Variants in FRMPD4 observed in about 807,000 individuals in gnomAD.
FRMPD4 encodes the protein FERM and PDZ domain-containing protein 4.
Under a neutral mutation model 94.1 loss-of-function variants are expected in FRMPD4, and 22 were observed. The observed-to-expected ratio is 0.23, with a 90% CI of 0.17 to 0.33. The LOEUF is 0.33. Ranked by LOEUF, FRMPD4 falls within the 10% of genes least tolerant of loss-of-function variation. The probability of loss-of-function intolerance (pLI) is 1.00; values close to 1 mark genes in which losing one functional copy is unlikely to be tolerated. For synonymous variants in FRMPD4, 631 were observed against 548.6 expected, an observed-to-expected ratio of 1.15 and a Z score of -2.10; for missense variants, 1,111 against 1,339.9, an observed-to-expected ratio of 0.83 and a Z score of 2.67.
intron 2 of FRMPD4, among the ~76,000 whole-genome samples, chrX:12,526,750 G>T (rs2058228097): frequency 8.9e-6 from 1 of 112,088 alleles, no homozygotes; most frequent in Non-Finnish European, 1.9e-5. Context: ...TGACAACAAA[G>T]GTTTTCAACT....
At chrX:12,122,315 A>C (rs1171068543) in intron 3 of FRMPD4, among the ~76,000 whole-genome samples, 5 of 112,296 alleles carry the variant, frequency 4.5e-5, no homozygotes, top group African/African-American at 1.6e-4. Flanking sequence ...TTTGTGTTCC[A>C]CTGCTAAGTG....
intron 1 of FRMPD4, among the ~76,000 whole-genome samples, chrX:12,208,609 A>G (rs754110190): frequency 8.9e-6 from 1 of 112,275 alleles, no homozygotes; most frequent in South Asian, 3.7e-4. Context: ...TACTGTTAAA[A>G]GGTAAATTTA....
intron 3 of FRMPD4, among the ~76,000 whole-genome samples, chrX:12,043,142 C>G (rs2054765957): frequency 9.0e-6 from 1 of 111,308 alleles, no homozygotes; most frequent in African/African-American, 3.3e-5. Context: ...TGTTTGTGAC[C>G]ATTTTTTCCT....
intron 2 of FRMPD4, among the ~76,000 whole-genome samples, chrX:12,500,652 A>G (rs1426964943): frequency 1.8e-5 from 2 of 111,346 alleles, no homozygotes; most frequent in Non-Finnish European, 3.8e-5. Context: ...CAGAGATACT[A>G]TCATAGAAAT....
intron 1 of FRMPD4, among the ~76,000 whole-genome samples, chrX:11,849,958 A>G (rs887634113): frequency 1.8e-5 from 2 of 112,111 alleles, no homozygotes; most frequent in Non-Finnish European, 3.8e-5. Context: ...ACATCTGTGC[A>G]TCAAAGGACA....
chrX:12,723,622 C>A lies in FRMPD4; in HGVS notation c.*1764C>A, dbSNP rs760313561. On this transcript the variant is annotated 3_prime_UTR_variant, in exon 17 of 17. Coordinates refer to ENST00000675598, the MANE Select transcript of FRMPD4 (RefSeq NM_001368397.1). ...TACTGTGGAAAATCTTAGTAAATAT[C>A]ATTCTGTGTACTAAAATCCTAACCT... 1 of 111,636 alleles carries A rather than the reference C, an allele frequency of 9.0e-6. No individual in the cohort carries two copies. Among genetic ancestry groups the A allele is most frequent in the Admixed American group, 9.5e-5 (1 of 10,515 alleles). The allele number at this position is 111,636 out of a possible 1,213,427, so 9.2% of individuals were successfully genotyped here.
intron 4 of FRMPD4, among the ~76,000 whole-genome samples, chrX:12,621,422 A>C (rs1178405087): frequency 9.2e-6 from 1 of 108,978 alleles, no homozygotes; most frequent in Non-Finnish European, 1.9e-5. Flanking sequence ...AAATTACATG[A>C]AAAATAATAC....
chrX:12,616,700 T>G (rs760412261), intron 4 of FRMPD4, among the ~76,000 whole-genome samples: 1 of 112,533 alleles, frequency 8.9e-6, no homozygotes, highest in Non-Finnish European at 1.9e-5. Context: ...GCAGTGTTCA[T>G]CTGGAATAAC....
rs750627076 is a variant in FRMPD4 at position 12,329,857 on chromosome X, C to CA, written c.42-168806dup. ...GTGGGTTGCCAGGACAGTTTCTAAC[C>CA]AAAAAAAAAAAAAAAAACAACAACA... On this transcript the variant is annotated intron_variant, in intron 1 of 16. Coordinates refer to ENST00000675598, the MANE Select transcript of FRMPD4 (RefSeq NM_001368397.1). 9.6e-3 allele frequency among the ~76,000 whole-genome samples: 529 copies of CA among 55,308 alleles called. 3 individuals are homozygous for CA. The highest frequency in any genetic ancestry group is 0.014 in the African/African-American group (268 of 18,779). 48.0% of individuals were successfully genotyped at this position (55,308 alleles called of 115,157 possible). A position where few individuals can be genotyped will look rare whatever the true frequency, so the allele number is the denominator to read the frequency against.
At chrX:12,463,347 C>T (rs1242493988) in intron 1 of FRMPD4, among the ~76,000 whole-genome samples, 1 of 111,464 alleles carries the variant, frequency 9.0e-6, no homozygotes, top group African/African-American at 3.3e-5. Flanking sequence ...TTGGAGTCAG[C>T]TCCGGACTAC....
chrX:12,256,033 T>C (rs1430349711), intron 1 of FRMPD4, among the ~76,000 whole-genome samples: 2 of 112,297 alleles, frequency 1.8e-5, no homozygotes, highest in African/African-American at 6.5e-5. Context: ...GGCTAGGATC[T>C]AGAGGTTGGA....
At chrX:11,851,327 T>A (rs924378864) in intron 1 of FRMPD4, among the ~76,000 whole-genome samples, 1 of 111,622 alleles carries the variant, frequency 9.0e-6, no homozygotes, top group Admixed American at 9.5e-5. Context: ...CTGTCTCCAA[T>A]GATTTTCAAT....
intron 2 of FRMPD4, among the ~76,000 whole-genome samples, chrX:12,528,742 T>G (rs2058254362): frequency 8.9e-6 from 1 of 112,157 alleles, no homozygotes. Flanking sequence ...ACAGCATTGC[T>G]AAGTGGAAGA....
intron 1 of FRMPD4, among the ~76,000 whole-genome samples, chrX:12,345,113 AACAG>A (rs66601353): frequency 0.24 from 24,652 of 101,235 alleles, 2,422 homozygotes; most frequent in African/African-American, 0.43. Context: ...TGGATGGATG[AACAG>A]ACAGACAAAT....
intron 13 of FRMPD4, among the ~76,000 whole-genome samples, chrX:12,708,483 AACAC>A (rs1334774370): frequency 5.8e-5 from 6 of 103,896 alleles, no homozygotes; most frequent in Admixed American, 2.0e-4. Context: ...AAAAAAAAAA[AACAC>A]AAAAATCTGA....
chrX:12,004,249 G>T (rs1055656511), intron 3 of FRMPD4, among the ~76,000 whole-genome samples: 1 of 111,996 alleles, frequency 8.9e-6, no homozygotes, highest in Non-Finnish European at 1.9e-5. Flanking sequence ...ATTCTGATTC[G>T]GGTAAATACT....
rs1018428409 is a variant in FRMPD4 at position 12,625,692 on chromosome X, T to C, written c.422+10811T>C. ...TGATTAATGGGTACAAAAATACAGTTAGATGAATAAATAAGACCTAGTGTT... is the reference window on the plus strand; with the variant it reads ...TGATTAATGGGTACAAAAATACAGTCAGATGAATAAATAAGACCTAGTGTT... On this transcript the variant is annotated intron_variant, in intron 4 of 16. Coordinates refer to ENST00000675598, the MANE Select transcript of FRMPD4 (RefSeq NM_001368397.1). 3.6e-5 allele frequency among the ~76,000 whole-genome samples: 4 copies of C among 111,404 alleles called. No homozygotes were observed. The East Asian group carries it at 1.1e-3, about 31-fold the overall frequency.
intron 2 of FRMPD4, among the ~76,000 whole-genome samples, chrX:12,528,319 GTTT>G (rs62720861): frequency 1.4e-5 from 1 of 73,861 alleles, no homozygotes; most frequent in Non-Finnish European, 2.5e-5. Context: ...TTTTGTTTTT[GTTT>G]TTTTTTTTTT....
At chrX:12,576,613 T>C (rs2058814231) in intron 2 of FRMPD4, among the ~76,000 whole-genome samples, 1 of 112,833 alleles carries the variant, frequency 8.9e-6, no homozygotes, top group Non-Finnish European at 1.9e-5. Context: ...TTCTCAGGGT[T>C]GCAGAAGGCA....
Sources: allele counts gnomAD v4.1 joint callset (sites outside exome capture counted in the v4.1 genomes callset), GRCh38; gene constraint gnomAD v4.1.1; transcripts MANE v1.5; gene names NCBI Gene and HGNC (gene_info 2026-07-23, HGNC 2026-07-21).